Variants in APC observed in about 807,000 individuals in gnomAD.
The protein encoded by APC is adenomatous polyposis coli protein.
APC carries 72 observed loss-of-function variants against 247.0 expected under a neutral mutation model. The ratio of observed to expected loss-of-function variants is 0.29; its 90% CI spans 0.24 to 0.35. APC has a LOEUF of 0.35. Ranked by LOEUF, APC falls within the 10% of genes least tolerant of loss-of-function variation. The pLI is 1.00. For synonymous variants in APC, 1,254 were observed against 1,162.5 expected, an observed-to-expected ratio of 1.08 and a Z score of -1.60; for missense variants, 3,400 against 3,360.7, an observed-to-expected ratio of 1.01 and a Z score of -0.29.
At chr5:112,717,050 G>T (rs1183942895) in intron 1 of APC, among the ~76,000 whole-genome samples, 1 of 152,084 alleles carries the variant, frequency 6.6e-6, no homozygotes, top group African/African-American at 2.4e-5. Flanking sequence ...TCGCTGTGTT[G>T]CCCAGGCTGG....
Position 112,839,416 on chromosome 5 carries a change from T to C in APC, c.3822T>C (p.Cys1274=), listed in dbSNP as rs1554085326. 5 of 1,614,146 alleles carry C rather than the reference T, an allele frequency of 3.1e-6. No homozygotes were observed. The highest frequency in any genetic ancestry group is 4.2e-6 in the Non-Finnish European group (5 of 1,179,988). ...ATACTCCAATATGTTTTTCAAGATG[T>C]AGTTCATTATCATCTTTGTCATCAG... ...VEDTPICFSR[C]SSLSSLSSAE... is the part of the protein sequence containing the mutation. The change falls in exon 16 of 16, where the codon TGT becomes TGC. Residue 1274 remains cysteine, a synonymous_variant. Coordinates refer to ENST00000257430, the MANE Select transcript of APC (RefSeq NM_000038.6). This position sits in a 1 kb window ranked among gnomAD's most constrained non-coding sequence, Gnocchi z 5.0.
chr5:112,781,375 T>C (rs1758332232), intron 6 of APC, among the ~76,000 whole-genome samples: 1 of 152,236 alleles, frequency 6.6e-6, no homozygotes, highest in Admixed American at 6.5e-5. Context: ...CTACCCTCAA[T>C]GTCAAGAAAG....
At chr5:112,726,960 A>G (rs542058514) in intron 1 of APC, among the ~76,000 whole-genome samples, 10 of 152,310 alleles carry the variant, frequency 6.6e-5, no homozygotes, top group Admixed American at 4.6e-4. Flanking sequence ...AATATTAAAT[A>G]GGCATTATGA....
At chr5:112,761,303 T>C (rs1254716537) in intron 2 of APC, among the ~76,000 whole-genome samples, 1 of 151,918 alleles carries the variant, frequency 6.6e-6, no homozygotes. Flanking sequence ...AGGGAACAAA[T>C]AGGTAATAGG....
chr5:112,783,108 A>G (rs1396673361), intron 6 of APC, among the ~76,000 whole-genome samples: 1 of 152,094 alleles, frequency 6.6e-6, no homozygotes, highest in East Asian at 1.9e-4. Context: ...TTTTTTAGAG[A>G]GAGAGATCCT....
At position 112,843,656 on chromosome 5, in the gene APC, G is replaced by C. The variant is rs2149998662; in HGVS notation, c.8062G>C (p.Glu2688Gln). Residue 2688 changes from glutamate (E) to glutamine (Q), a missense_variant, in exon 16 of 16, where the codon GAA becomes CAA. Transcript: ENST00000257430. This position sits in a 1 kb window ranked among gnomAD's most constrained non-coding sequence, Gnocchi z 4.8. Reference sequence around the variant, plus strand: ...TCCCCCGGTGATTGACAGTGTTTCAGAAAAGGCAAATCCAAACATTAAAGA... The same window carrying C: ...TCCCCCGGTGATTGACAGTGTTTCACAAAAGGCAAATCCAAACATTAAAGA... ...NTPPVIDSVS[E>Q]KANPNIKDSK... 6 of 1,613,942 alleles carry C rather than the reference G, an allele frequency of 3.7e-6. No homozygotes were observed. The highest frequency in any genetic ancestry group is 5.1e-6 in the Non-Finnish European group (6 of 1,179,862).
intron 15 of APC, among the ~76,000 whole-genome samples, chr5:112,836,009 CT>C (rs371484714): frequency 0.026 from 2,760 of 106,062 alleles, 50 homozygotes; most frequent in African/African-American, 0.083. Context: ...ATACAACTGT[CT>C]TTTTTTTTTT....
chr5:112,777,373 A>G (rs561321080), intron 5 of APC, among the ~76,000 whole-genome samples: 34 of 152,234 alleles, frequency 2.2e-4, no homozygotes, highest in African/African-American at 8.2e-4. Context: ...AATTTCCCCT[A>G]ATATATTTAG....
intron 8 of APC, among the ~76,000 whole-genome samples, chr5:112,807,867 A>G (rs532694913): frequency 1.3e-5 from 2 of 152,320 alleles, no homozygotes; most frequent in African/African-American, 4.8e-5. Context: ...TTAAAAATAC[A>G]TAACTGGCCA....
chr5:112,800,466 A>G (rs965633298), intron 7 of APC, among the ~76,000 whole-genome samples: 2 of 152,186 alleles, frequency 1.3e-5, no homozygotes, highest in Admixed American at 1.3e-4. Flanking sequence ...GATCTAGGAA[A>G]GCTTGATGTT....
intron 6 of APC, among the ~76,000 whole-genome samples, chr5:112,784,529 G>A (rs760875984): frequency 6.6e-6 from 1 of 152,194 alleles, no homozygotes; most frequent in Admixed American, 6.5e-5. Flanking sequence ...AGGGCAGAAT[G>A]TAGATACATA....
At chr5:112,781,010 G>GT in intron 6 of APC, 107 bp downstream of exon 6, 1 of 796,954 alleles carries the variant, frequency 1.3e-6, no homozygotes, top group Non-Finnish European at 2.1e-6. Flanking sequence ...ATAAGGCTGT[G>GT]TTTATTTTGG....
intron 3 of APC, 41 bp downstream of exon 3, chr5:112,766,451 C>G (rs2149785165): frequency 1.4e-6 from 2 of 1,392,728 alleles, no homozygotes; most frequent in Non-Finnish European, 2.0e-6. Flanking sequence ...TTTTTAAGCT[C>G]AAATTGTCAT....
rs370955311 is a variant in APC at position 112,835,018 on chromosome 5, C to G, written c.1811C>G (p.Ala604Gly). ...NLSAHCTENK[A>G]DICAVDGALA... ...TCAGCACATTGCACTGAGAATAAAGCTGATATATGTGCTGTAGATGGTGCA... is the reference window on the plus strand; with the variant it reads ...TCAGCACATTGCACTGAGAATAAAGGTGATATATGTGCTGTAGATGGTGCA... The change falls in exon 15 of 16, where the codon GCT (alanine) becomes GGT (glycine). Residue 604 changes from alanine to glycine, a missense_variant. Ala to Gly is a moderately conservative substitution (Grantham distance 60, BLOSUM62 0). This residue lies in a region of APC where 184 missense variants were observed against 248.0 expected (regional missense o/e 0.74). Transcript: ENST00000257430. The G allele has an allele frequency of 5.6e-6, 9 of 1,614,086 alleles. No individual in the cohort carries two copies. Among genetic ancestry groups the G allele is most frequent in the African/African-American group, 2.7e-5 (2 of 75,026 alleles).
intron 1 of APC, among the ~76,000 whole-genome samples, chr5:112,748,850 A>C (rs2149715163): frequency 6.6e-6 from 1 of 152,288 alleles, no homozygotes; most frequent in East Asian, 1.9e-4. Flanking sequence ...TTACAAAATT[A>C]GCTGGGCATG....
rs561864067 is a variant in APC, at chr5:112,741,612, T to C, written c.-19+3687T>C. Among the ~76,000 whole-genome samples the C allele has an allele frequency of 1.6e-3, 249 of 152,352 alleles. 4 individuals are homozygous for C. The highest frequency in any genetic ancestry group is 5.9e-3 in the African/African-American group (244 of 41,576). Reference sequence around the variant, plus strand: ...TAATGAGATTTTTAAAAAAATTTTATTGTGATAAATATACATAAAATTTAC... The same window carrying C: ...TAATGAGATTTTTAAAAAAATTTTACTGTGATAAATATACATAAAATTTAC... On this transcript the variant is annotated intron_variant, in intron 1 of 15. Transcript: ENST00000257430.
At chr5:112,808,360 C>G (rs1761634484) in intron 8 of APC, among the ~76,000 whole-genome samples, 1 of 152,122 alleles carries the variant, frequency 6.6e-6, no homozygotes, top group South Asian at 2.1e-4. Context: ...GATATCTGTT[C>G]TAATCTGTAT....
chr5:112,808,054 C>T (rs1182500950), intron 8 of APC, among the ~76,000 whole-genome samples: 1 of 152,132 alleles, frequency 6.6e-6, no homozygotes, highest in African/African-American at 2.4e-5. Flanking sequence ...ACTCGGGAAG[C>T]TGAGGCAGGA....
upstream of APC, among the ~76,000 whole-genome samples, chr5:112,734,815 G>C (rs1752289018): frequency 6.8e-6 from 1 of 147,072 alleles, no homozygotes; most frequent in African/African-American, 2.5e-5. Context: ...TTTTGAGATA[G>C]AGTCTTGCTT....
Sources: gnomAD v4.1 joint callset for allele counts (sites outside exome capture counted in the v4.1 genomes callset) on GRCh38, gnomAD v4.1.1 for gene constraint, gnomAD v4.1.1 regional missense constraint, Gnocchi (gnomAD v3.1) non-coding constraint, MANE v1.5 for transcripts, NCBI Gene and HGNC (gene_info 2026-07-23, HGNC 2026-07-21) for gene names.